Variants in HIPK2 observed in about 807,000 individuals in gnomAD.
HIPK2 encodes homeodomain interacting protein kinase 2.
In HIPK2, 27 loss-of-function variants were observed where a neutral mutation model predicts 113.7. The observed-to-expected ratio is 0.24, with a 90% CI of 0.17 to 0.33. The LOEUF (loss-of-function observed/expected upper bound fraction) is 0.33, where lower values mean the gene tolerates loss of function less well. HIPK2 is among the 10% of genes least tolerant of loss of function. The pLI is 1.00. For synonymous variants in HIPK2, 631 were observed against 642.2 expected, an observed-to-expected ratio of 0.98 and a Z score of 0.26; for missense variants, 1,257 against 1,588.0, an observed-to-expected ratio of 0.79 and a Z score of 3.54.
At chr7:139,725,119 A>G (rs1056247218) in intron 1 of HIPK2, among the ~76,000 whole-genome samples, 6 of 152,240 alleles carry the variant, frequency 3.9e-5, no homozygotes, top group African/African-American at 1.4e-4. Context: ...GACATCTAAG[A>G]CATCGTCACC....
intron 6 of HIPK2, among the ~76,000 whole-genome samples, chr7:139,622,232 C>G (rs1157673697): frequency 2.0e-5 from 3 of 152,180 alleles, no homozygotes; most frequent in African/African-American, 7.2e-5. Context: ...CTTACACTGG[C>G]TGCGTCATGC....
intron 13 of HIPK2, among the ~76,000 whole-genome samples, chr7:139,577,754 C>A (rs1249932256): frequency 6.6e-6 from 1 of 152,126 alleles, no homozygotes; most frequent in Non-Finnish European, 1.5e-5. Flanking sequence ...AAGGGCAGGG[C>A]AGACCAGGGA....
rs552420597 is a variant in HIPK2 at position 139,675,231 on chromosome 7, A to C, written c.1103+40701T>G. Among the ~76,000 whole-genome samples, 5 of 152,148 alleles carry C rather than the reference A, an allele frequency of 3.3e-5. No individual in the cohort carries two copies. The South Asian group carries it at 1.0e-3, about 32-fold the overall frequency. Reference sequence around the variant, plus strand: ...CTGCTCAGTGACTGTGTCATCACCAAACATTTAAAAAGAGTCCGTTATGTT... The same window carrying C: ...CTGCTCAGTGACTGTGTCATCACCACACATTTAAAAAGAGTCCGTTATGTT... On this transcript the variant is annotated intron_variant, in intron 2 of 14. Transcript: ENST00000406875.
Position 139,626,692 on chromosome 7 carries a change from T to A in HIPK2, c.1528A>T (p.Ile510Phe). The A allele has an allele frequency of 6.2e-7, 1 of 1,613,988 alleles. No homozygotes were observed. ...GGAGTGATTCTCTTGTCAGCATCAA[T>A]GGTCAGCATCTTCTTCAACAGGTCA... is the stretch of plus-strand genomic sequence containing the variant. ...FIDLLKKMLTIDADKRITPIE... is the reference protein window; with the variant it reads ...FIDLLKKMLTFDADKRITPIE... The change falls in exon 6 of 15, where the codon ATT (isoleucine) becomes TTT (phenylalanine). Residue 510 changes from isoleucine to phenylalanine, a missense_variant. Coordinates refer to ENST00000406875, the MANE Select transcript of HIPK2 (RefSeq NM_022740.5).
chr7:139,573,868 C>T (rs1347226095), intron 14 of HIPK2, among the ~76,000 whole-genome samples: 1 of 151,502 alleles, frequency 6.6e-6, no homozygotes, highest in Admixed American at 6.6e-5. Context: ...AAAAAATTTA[C>T]TTGGACTGAG....
At chr7:139,597,026 CAG>C in intron 11 of HIPK2, 28 bp from the exon 12 acceptor site, 1 of 1,570,148 alleles carries the variant, frequency 6.4e-7, no homozygotes, top group Non-Finnish European at 8.7e-7. Context: ...CACTCTCACA[CAG>C]AGGAAGGTCA....
At chr7:139,754,445 C>T (rs902614715) in intron 1 of HIPK2, among the ~76,000 whole-genome samples, 7 of 152,130 alleles carry the variant, frequency 4.6e-5, no homozygotes, top group Non-Finnish European at 8.8e-5. Context: ...AGGGCTGAAA[C>T]GAGCAGCAGG....
In HIPK2 at chr7:139,614,423, G is replaced by T; in HGVS notation, c.1853C>A (p.Thr618Lys). 1 of 1,554,936 alleles carries T rather than the reference G, an allele frequency of 6.4e-7. No individual in the cohort carries two copies. ...PEVSILNYPS[T>K]LYQPSAASMA... is the part of the protein sequence containing the mutation. ...GGATGCCGCTGAGGGCTGGTAGAGT[G>T]TAGATGGGTAGTTTAGTATGGAGAC... Residue 618 changes from threonine to lysine, a missense_variant, in exon 8 of 15, where the codon ACA becomes AAA. This residue lies in a region of HIPK2 where 862 missense variants were observed against 1,004.3 expected (regional missense o/e 0.86). Coordinates refer to ENST00000406875, the MANE Select transcript of HIPK2 (RefSeq NM_022740.5).
chr7:139,642,705 G>C (rs1801068416), intron 2 of HIPK2, among the ~76,000 whole-genome samples: 1 of 152,170 alleles, frequency 6.6e-6, no homozygotes, highest in African/African-American at 2.4e-5. Context: ...CTTTGATTAG[G>C]GTGATAGGCA....
chr7:139,668,735 A>G (rs77247461), intron 2 of HIPK2, among the ~76,000 whole-genome samples: 4,169 of 152,348 alleles, frequency 0.027, 87 homozygotes, highest in Middle Eastern at 0.051. Flanking sequence ...ATTAAAAGTT[A>G]CAAATGCTAT....
At chr7:139,585,165 G>A (rs1274938573) in intron 12 of HIPK2, among the ~76,000 whole-genome samples, 1 of 152,232 alleles carries the variant, frequency 6.6e-6, no homozygotes, top group East Asian at 1.9e-4. Context: ...AATTGGATGA[G>A]AGAAGCAGCT....
At chr7:139,667,478 C>T (rs907563526) in intron 2 of HIPK2, among the ~76,000 whole-genome samples, 2 of 152,150 alleles carry the variant, frequency 1.3e-5, no homozygotes, top group Non-Finnish European at 2.9e-5. Flanking sequence ...TGTACACATA[C>T]ATAGTTTTTA....
At chr7:139,768,400 G>A (rs1276254835) in intron 1 of HIPK2, among the ~76,000 whole-genome samples, 1 of 152,158 alleles carries the variant, frequency 6.6e-6, no homozygotes, top group Non-Finnish European at 1.5e-5. Flanking sequence ...AAGTTTTGGT[G>A]ATGTCAAAGA....
At chr7:139,730,706 T>C (rs1004515448) in intron 1 of HIPK2, among the ~76,000 whole-genome samples, 1 of 151,760 alleles carries the variant, frequency 6.6e-6, no homozygotes, top group South Asian at 2.1e-4. Context: ...TATTACTATG[T>C]GTCCTCCCAA....
chr7:139,704,718 G>A (rs913434728), intron 2 of HIPK2, among the ~76,000 whole-genome samples: 1 of 152,160 alleles, frequency 6.6e-6, no homozygotes, highest in Non-Finnish European at 1.5e-5. Flanking sequence ...AGTGATGTCA[G>A]TGGTGATACA....
At chr7:139,652,363 G>T (rs376694053) in intron 2 of HIPK2, among the ~76,000 whole-genome samples, 1 of 152,134 alleles carries the variant, frequency 6.6e-6, no homozygotes, top group African/African-American at 2.4e-5. Flanking sequence ...CCCTGAGCTC[G>T]GGGACATGAT....
chr7:139,621,326 A>G (rs1800226900), intron 6 of HIPK2, among the ~76,000 whole-genome samples: 1 of 152,224 alleles, frequency 6.6e-6, no homozygotes, highest in African/African-American at 2.4e-5. Flanking sequence ...GTGTATACAC[A>G]TACGTCCTCT....
chr7:139,656,910 A>G (rs1260811870), intron 2 of HIPK2, among the ~76,000 whole-genome samples: 1 of 150,622 alleles, frequency 6.6e-6, no homozygotes, highest in African/African-American at 2.4e-5. Context: ...TTGCTCTGTC[A>G]CCCAGGCTGG....
At chr7:139,586,303 T>C (rs1326775180) in intron 12 of HIPK2, among the ~76,000 whole-genome samples, 1 of 152,220 alleles carries the variant, frequency 6.6e-6, no homozygotes, top group Non-Finnish European at 1.5e-5. Flanking sequence ...AGCAATTCCA[T>C]TCCTAAGTAC....
Sources: allele counts gnomAD v4.1 joint callset (sites outside exome capture counted in the v4.1 genomes callset), GRCh38; gene constraint gnomAD v4.1.1; regional missense constraint gnomAD v4.1.1; transcripts MANE v1.5; gene names NCBI Gene and HGNC (gene_info 2026-07-23, HGNC 2026-07-21).